The following CUX2 variants were observed in gnomAD, a reference collection of about 807,000 sequenced individuals.
CUX2 encodes cut like homeobox 2.
A neutral mutation model predicts 144.8 loss-of-function variants in CUX2; 40 were observed. That is an observed-to-expected ratio of 0.28 (90% confidence interval 0.21 to 0.36). The LOEUF is 0.36. Among genes scored for constraint, CUX2 ranks in the 10% least tolerant of loss-of-function variants. The pLI, the probability that CUX2 is intolerant of heterozygous loss-of-function variation, is 1.00. For synonymous variants in CUX2, 827 were observed against 875.6 expected (o/e 0.94, Z 0.98); for missense variants, 1,615 against 1,994.0 (o/e 0.81, Z 3.62).
chr12:111,042,073 C>CAAAG (rs563167162), intron 1 of CUX2, among the ~76,000 whole-genome samples: 72 of 152,272 alleles, frequency 4.7e-4, no homozygotes, highest in African/African-American at 1.1e-3. Context: ...CCATTAAAAA[C>CAAAG]AAAGAAAGAA....
At chr12:111,116,477 T>C (rs1874313870) in intron 1 of CUX2, among the ~76,000 whole-genome samples, 1 of 152,334 alleles carries the variant, frequency 6.6e-6, no homozygotes, top group South Asian at 2.1e-4. Flanking sequence ...TGATCCCAAG[T>C]CAATATATAG....
At chr12:111,344,892 A>G (rs1454038031) in intron 21 of CUX2, among the ~76,000 whole-genome samples, 1 of 152,072 alleles carries the variant, frequency 6.6e-6, no homozygotes, top group African/African-American at 2.4e-5. Context: ...AGATTATTAT[A>G]TTAGGTTGGT....
intron 3 of CUX2, among the ~76,000 whole-genome samples, chr12:111,260,963 T>C (rs1039675667): frequency 1.3e-5 from 2 of 152,200 alleles, no homozygotes; most frequent in Non-Finnish European, 2.9e-5. Context: ...ATTGCTTTTG[T>C]TTCTCATTGT....
intron 1 of CUX2, among the ~76,000 whole-genome samples, chr12:111,085,255 A>G (rs1278183891): frequency 6.6e-6 from 1 of 152,204 alleles, no homozygotes; most frequent in East Asian, 1.9e-4. Context: ...GTGACATTCC[A>G]TGGGCAGCTT....
chr12:111,239,198 C>T lies in CUX2; in HGVS notation c.222+21261C>T, dbSNP rs1882904459. Among the ~76,000 whole-genome samples the T allele has an allele frequency of 2.0e-5, 3 of 152,230 alleles. No homozygotes were observed. The South Asian group carries it at 6.2e-4, about 32-fold the overall frequency. On this transcript the variant is annotated intron_variant, in intron 3 of 21. Transcript: ENST00000261726. ...TGTGTCTCCTACTATACCATGTGTC[C>T]ACAGGCTAGGGACACTTTGACAGTT... is the stretch of plus-strand genomic sequence containing the variant.
At chr12:111,216,149 A>G (rs1881516356) in intron 2 of CUX2, among the ~76,000 whole-genome samples, 1 of 152,218 alleles carries the variant, frequency 6.6e-6, no homozygotes, top group Non-Finnish European at 1.5e-5. Context: ...ATTAGCACGA[A>G]GTCCCGCCAA....
Position 111,263,744 on chromosome 12 carries a change from T to C in CUX2, c.223-17T>C. 1 of 1,608,384 alleles carries C rather than the reference T, an allele frequency of 6.2e-7. No individual in the cohort carries two copies. Among genetic ancestry groups the C allele is most frequent in the East Asian group, 2.2e-5 (1 of 44,828 alleles). On this transcript the variant is annotated splice_polypyrimidine_tract_variant and intron_variant, in intron 3 of 21. Transcript: ENST00000261726. This position sits in a 1 kb window ranked among gnomAD's most constrained non-coding sequence, Gnocchi z 4.0. ...TGCCATGGTTACACGTGACTCTTTC[T>C]CTTGTTGTCTCCAAAGGTGGTGGCC...
At chr12:111,152,011 G>C (rs1360136855) in intron 1 of CUX2, among the ~76,000 whole-genome samples, 1 of 152,288 alleles carries the variant, frequency 6.6e-6, no homozygotes, top group Admixed American at 6.5e-5. Flanking sequence ...CAAGGCCGGT[G>C]CGATGGCTCA....
chr12:111,152,291 A>G (rs1424221683), intron 1 of CUX2, among the ~76,000 whole-genome samples: 1 of 152,096 alleles, frequency 6.6e-6, no homozygotes, highest in East Asian at 1.9e-4. Flanking sequence ...TCTCAAAAAA[A>G]ATAAATAAAT....
rs1029310578 is a variant in CUX2, at chr12:111,255,919, G to T, written c.223-7842G>T. On this transcript the variant is annotated intron_variant, in intron 3 of 21. Coordinates refer to ENST00000261726, the MANE Select transcript of CUX2 (RefSeq NM_015267.4). This position sits in a 1 kb window ranked among gnomAD's most constrained non-coding sequence, Gnocchi z 4.1. The stretch of plus-strand genomic sequence containing the variant: ...AGAGTGAGTGGGAACCCTCAGGATA[G>T]TCTAGCCAGACCTCCCCACATGTGG... Among the ~76,000 whole-genome samples the T allele has an allele frequency of 1.3e-5, 2 of 152,136 alleles. No individual in the cohort carries two copies. Among genetic ancestry groups the T allele is most frequent in the Non-Finnish European group, 2.9e-5 (2 of 68,016 alleles).
intron 1 of CUX2, among the ~76,000 whole-genome samples, chr12:111,088,457 AAAAGT>A (rs1244048591): frequency 2.0e-5 from 3 of 152,214 alleles, no homozygotes; most frequent in Non-Finnish European, 2.9e-5. Context: ...AATTAAAAAA[AAAAGT>A]AAAGGACTGA....
intron 1 of CUX2, among the ~76,000 whole-genome samples, chr12:111,091,204 G>C (rs1872532247): frequency 6.6e-6 from 1 of 152,236 alleles, no homozygotes; most frequent in Admixed American, 6.5e-5. Flanking sequence ...GCCAGGGCCA[G>C]GTGAGCGGGC....
At chr12:111,309,937 C>G in intron 14 of CUX2, 104 bp from the exon 15 acceptor site, 1 of 1,042,580 alleles carries the variant, frequency 9.6e-7, no homozygotes, top group Admixed American at 4.0e-5. Context: ...CTCGTTGTCT[C>G]TCTCTGTCTC....
intron 3 of CUX2, among the ~76,000 whole-genome samples, chr12:111,262,665 C>A (rs542297738): frequency 6.6e-6 from 1 of 152,310 alleles, no homozygotes; most frequent in Admixed American, 6.5e-5. Context: ...AGGCATGAGT[C>A]AGCACTCCCA....
At chr12:111,193,865 A>C (rs1289650661) in intron 1 of CUX2, among the ~76,000 whole-genome samples, 1 of 152,080 alleles carries the variant, frequency 6.6e-6, no homozygotes, top group African/African-American at 2.4e-5. Flanking sequence ...TCTCCTGAAG[A>C]CCCTCTAGGG....
chr12:111,204,431 G>A (rs1880790040), intron 1 of CUX2, among the ~76,000 whole-genome samples: 1 of 152,214 alleles, frequency 6.6e-6, no homozygotes, highest in Non-Finnish European at 1.5e-5. Context: ...TAGTTATTGA[G>A]TGGATAGATG....
chr12:111,123,707 A>G (rs1874845164), intron 1 of CUX2, among the ~76,000 whole-genome samples: 1 of 150,032 alleles, frequency 6.7e-6, no homozygotes, highest in Non-Finnish European at 1.5e-5. Flanking sequence ...AGCTAATTTT[A>G]GTGTTTTTGG....
intron 1 of CUX2, among the ~76,000 whole-genome samples, chr12:111,117,107 A>C (rs997041391): frequency 6.6e-6 from 1 of 152,198 alleles, no homozygotes; most frequent in African/African-American, 2.4e-5. Flanking sequence ...GTTTTAGATG[A>C]ATGTTTGTGG....
At chr12:111,235,598 G>A (rs1207582899) in intron 3 of CUX2, among the ~76,000 whole-genome samples, 1 of 152,116 alleles carries the variant, frequency 6.6e-6, no homozygotes, top group Non-Finnish European at 1.5e-5. Context: ...GTATGTGCCT[G>A]TAATCCCAGC....
Sources: gnomAD v4.1 joint callset for allele counts (sites outside exome capture counted in the v4.1 genomes callset) on GRCh38, gnomAD v4.1.1 for gene constraint, Gnocchi (gnomAD v3.1) non-coding constraint, MANE v1.5 for transcripts, NCBI Gene and HGNC (gene_info 2026-07-23, HGNC 2026-07-21) for gene names.